Variants in TAOK3 observed in about 807,000 individuals in gnomAD.
TAOK3 encodes TAO kinase 3, also known as serine/threonine-protein kinase TAO3.
In TAOK3, 40 loss-of-function variants were observed where a neutral mutation model predicts 120.4. The ratio of observed to expected loss-of-function variants is 0.33; its 90% CI spans 0.26 to 0.43. The LOEUF (loss-of-function observed/expected upper bound fraction) is 0.43. TAOK3 is among the 20% of genes least tolerant of loss of function. The probability of loss-of-function intolerance (pLI) is 1.00; values close to 1 mark genes in which losing one functional copy is unlikely to be tolerated. For missense variants in TAOK3, 821 were observed against 1,112.1 expected (o/e 0.74, Z 3.72); for synonymous variants, 355 against 387.5 (o/e 0.92, Z 0.99).
In TAOK3 at chr12:118,203,146, A is replaced by T. The variant is rs533608018; in HGVS notation, c.820-1683T>A. Among the ~76,000 whole-genome samples the T allele has an allele frequency of 1.1e-4, 17 of 152,082 alleles. No individual in the cohort carries two copies. The East Asian group carries it at 2.9e-3, about 26-fold the overall frequency. On this transcript the variant is annotated intron_variant, in intron 11 of 20. Transcript: ENST00000392533. ...ATACACACTATCCCTTGAAAAACAG[A>T]CTTGTGAATATTTTGTTCTCTATTT...
intron 15 of TAOK3, 23 bp downstream of exon 15, chr12:118,181,348 A>C: frequency 6.3e-7 from 1 of 1,578,332 alleles, no homozygotes; most frequent in Non-Finnish European, 8.7e-7. Context: ...TTGTGGCATG[A>C]AGGCGTGTGT....
At chr12:118,207,361 G>A (rs1270352372) in intron 11 of TAOK3, among the ~76,000 whole-genome samples, 2 of 150,076 alleles carry the variant, frequency 1.3e-5, no homozygotes, top group Non-Finnish European at 3.0e-5. Context: ...AAAATCACCC[G>A]AAATTCTACC....
intron 11 of TAOK3, among the ~76,000 whole-genome samples, chr12:118,206,083 C>T (rs983713285): frequency 1.3e-5 from 2 of 152,182 alleles, no homozygotes; most frequent in Non-Finnish European, 2.9e-5. Context: ...AATAAAAAGG[C>T]AAGACACATG....
In TAOK3 at chr12:118,239,243, G is replaced by T; in HGVS notation, c.324C>A (p.Ala108=). The T allele has an allele frequency of 6.5e-7, 1 of 1,543,702 alleles. No individual in the cohort carries two copies. Among genetic ancestry groups the T allele is most frequent in the East Asian group, 2.2e-5 (1 of 44,534 alleles). Residue 108 remains alanine, a synonymous_variant, in exon 6 of 21, where the codon GCC becomes GCA. Coordinates refer to ENST00000392533, the MANE Select transcript of TAOK3 (RefSeq NM_016281.4). ...CTTTCTTACCTTCTAATAAATCAGAGGCTGAGCCTAAGCAATATTCCATCA... is the reference window on the plus strand; with the variant it reads ...CTTTCTTACCTTCTAATAAATCAGATGCTGAGCCTAAGCAATATTCCATCA... ...WLVMEYCLGS[A]SDLLEVHKKP...
At chr12:118,174,026 GA>G (rs1201732458) in intron 16 of TAOK3, among the ~76,000 whole-genome samples, 1 of 152,186 alleles carries the variant, frequency 6.6e-6, no homozygotes. Context: ...GGGATCACAA[GA>G]GGAAGCCTGG....
chr12:118,167,941 C>T (rs2035716189), intron 17 of TAOK3, among the ~76,000 whole-genome samples: 1 of 152,212 alleles, frequency 6.6e-6, no homozygotes, highest in Non-Finnish European at 1.5e-5. Context: ...AGTTCTTCAG[C>T]TCTTTACCTA....
chr12:118,199,002 C>T lies in TAOK3; in HGVS notation c.1194+49G>A, dbSNP rs368805024. 35 of 1,600,408 alleles carry T rather than the reference C, an allele frequency of 2.2e-5. No homozygotes were observed. In the African/African-American group the frequency reaches 2.8e-4, roughly 13 times the overall value. On this transcript the variant is annotated intron_variant, in intron 13 of 20. Coordinates refer to ENST00000392533, the MANE Select transcript of TAOK3 (RefSeq NM_016281.4). ...GAAGCTAAGTGACTTGAACTGGATT[C>T]GCTATGATTGACAAAGCTCACCTCT...
chr12:118,331,948 C>A (rs2044169524), intron 1 of TAOK3, among the ~76,000 whole-genome samples: 1 of 151,666 alleles, frequency 6.6e-6, no homozygotes, highest in African/African-American at 2.4e-5. Flanking sequence ...TGCCTCAGTC[C>A]CCTGAGTAGC....
chr12:118,286,556 T>TAAA (rs61103033), intron 1 of TAOK3, among the ~76,000 whole-genome samples: 1 of 137,816 alleles, frequency 7.3e-6, no homozygotes, highest in Non-Finnish European at 1.6e-5. Context: ...ATGGCCATAA[T>TAAA]AAAAAAAAAA....
At chr12:118,332,474 C>A (rs754436990) in intron 1 of TAOK3, among the ~76,000 whole-genome samples, 1 of 152,062 alleles carries the variant, frequency 6.6e-6, no homozygotes, top group African/African-American at 2.4e-5. Context: ...CTACAGAAAT[C>A]TTTTTCTTAT....
chr12:118,316,716 A>G (rs1054718233), intron 1 of TAOK3, among the ~76,000 whole-genome samples: 5 of 152,276 alleles, frequency 3.3e-5, no homozygotes, highest in East Asian at 1.9e-4. Context: ...TGGCTGGCCA[A>G]TGACATGATC....
chr12:118,163,746 T>G (rs1350274302), intron 17 of TAOK3, among the ~76,000 whole-genome samples: 1 of 152,110 alleles, frequency 6.6e-6, no homozygotes, highest in Non-Finnish European at 1.5e-5. Context: ...ATTGCTCTTG[T>G]TGCCCAGTGC....
chr12:118,278,513 A>T (rs1035516811), intron 1 of TAOK3, among the ~76,000 whole-genome samples: 1 of 152,116 alleles, frequency 6.6e-6, no homozygotes, highest in Admixed American at 6.6e-5. Flanking sequence ...CATGGTGTAT[A>T]TGCACCACAT....
At chr12:118,224,407 G>A (rs2039403767) in intron 9 of TAOK3, among the ~76,000 whole-genome samples, 1 of 152,206 alleles carries the variant, frequency 6.6e-6, no homozygotes, top group Non-Finnish European at 1.5e-5. Flanking sequence ...GAAAATTCCA[G>A]GCAGAGAATC....
chr12:118,306,825 C>T (rs986079036), intron 1 of TAOK3, among the ~76,000 whole-genome samples: 1 of 152,194 alleles, frequency 6.6e-6, no homozygotes, highest in Non-Finnish European at 1.5e-5. Context: ...TTCATCAGTA[C>T]ATTCAAATAG....
At chr12:118,185,259 T>C (rs1023032139) in intron 14 of TAOK3, among the ~76,000 whole-genome samples, 1 of 152,210 alleles carries the variant, frequency 6.6e-6, no homozygotes, top group Non-Finnish European at 1.5e-5. Flanking sequence ...ACTTTTTTTC[T>C]AAAGGTTCCT....
intron 11 of TAOK3, among the ~76,000 whole-genome samples, chr12:118,207,025 A>G (rs1392145004): frequency 6.6e-6 from 1 of 152,066 alleles, no homozygotes; most frequent in African/African-American, 2.4e-5. Flanking sequence ...ACACAGAAAA[A>G]TGTATAAAAA....
intron 4 of TAOK3, among the ~76,000 whole-genome samples, chr12:118,243,975 G>C (rs117234156): frequency 6.6e-6 from 1 of 151,508 alleles, no homozygotes; most frequent in Non-Finnish European, 1.5e-5. Context: ...CACTGTGCCC[G>C]GCCTAAACAT....
intron 1 of TAOK3, among the ~76,000 whole-genome samples, chr12:118,343,478 T>C (rs2044718231): frequency 6.6e-6 from 1 of 150,390 alleles, no homozygotes; most frequent in Admixed American, 6.6e-5. Context: ...TCTATGTAAG[T>C]GACCCTTTAC....
Sources: allele counts gnomAD v4.1 joint callset (sites outside exome capture counted in the v4.1 genomes callset), GRCh38; gene constraint gnomAD v4.1.1; transcripts MANE v1.5; gene names NCBI Gene and HGNC (gene_info 2026-07-23, HGNC 2026-07-21).